The following BAZ2B variants were observed in gnomAD, a reference collection of about 807,000 sequenced individuals.
BAZ2B encodes the protein bromodomain adjacent to zinc finger domain protein 2B.
In BAZ2B, 91 loss-of-function variants were observed where a neutral mutation model predicts 246.0. That is an observed-to-expected ratio of 0.37 (90% CI 0.31 to 0.44). The LOEUF (loss-of-function observed/expected upper bound fraction) is 0.44. BAZ2B is among the 20% of genes least tolerant of loss of function. BAZ2B has a pLI of 1.00. For missense variants in BAZ2B, 2,332 were observed against 2,533.7 expected (o/e 0.92, Z 1.71); for synonymous variants, 855 against 860.0 (o/e 0.99, Z 0.10).
At chr2:159,638,009 G>T in the BAZ2B span, among the ~76,000 whole-genome samples, 1 of 152,256 alleles carries the variant, frequency 6.6e-6, no homozygotes, top group Non-Finnish European at 1.5e-5. Flanking sequence ...ACCCACTGCA[G>T]TAACAGTAGT....
intron 2 of BAZ2B, among the ~76,000 whole-genome samples, chr2:159,541,616 A>G (rs1326734284): frequency 6.6e-6 from 1 of 152,114 alleles, no homozygotes; most frequent in Non-Finnish European, 1.5e-5. Flanking sequence ...AGTTCTCATT[A>G]TGGTCTACTA....
chr2:159,335,935 C>T (rs978175640), intron 33 of BAZ2B, among the ~76,000 whole-genome samples: 5 of 152,072 alleles, frequency 3.3e-5, no homozygotes, highest in Admixed American at 1.3e-4. Context: ...CTGAGGTGGG[C>T]GGATCACCTG....
chr2:159,610,142 C>A (rs1017082762), intron 1 of BAZ2B, among the ~76,000 whole-genome samples: 2 of 152,058 alleles, frequency 1.3e-5, no homozygotes, highest in Non-Finnish European at 2.9e-5. Context: ...TGACAATGAT[C>A]TCATAGGAAA....
chr2:159,701,283 C>CAAACTTTAAAACT, the BAZ2B span, among the ~76,000 whole-genome samples: 6 of 152,118 alleles, frequency 3.9e-5, no homozygotes, highest in Non-Finnish European at 4.4e-5. Context: ...AATTTTAAAA[C>CAAACTTTAAAACT]AAAGTTAATT....
chr2:159,469,244 G>T (rs151155947), intron 3 of BAZ2B, among the ~76,000 whole-genome samples: 1 of 151,764 alleles, frequency 6.6e-6, no homozygotes, highest in Admixed American at 6.6e-5. Context: ...GTATATCAAC[G>T]ATGAAAGAAA....
intron 3 of BAZ2B, among the ~76,000 whole-genome samples, chr2:159,475,660 T>C (rs2150877368): frequency 6.6e-6 from 1 of 152,332 alleles, no homozygotes; most frequent in African/African-American, 2.4e-5. Context: ...TTCAGCCCTT[T>C]TGCGCTGGTT....
chr2:159,551,310 A>C (rs1045102732), intron 2 of BAZ2B, among the ~76,000 whole-genome samples: 3 of 152,076 alleles, frequency 2.0e-5, no homozygotes, highest in Non-Finnish European at 4.4e-5. Context: ...TCTACTAAAA[A>C]TACAAAAAAT....
intron 19 of BAZ2B, 51 bp downstream of exon 19, chr2:159,397,294 C>A: frequency 7.2e-7 from 1 of 1,379,654 alleles, no homozygotes; most frequent in South Asian, 1.3e-5. Context: ...TAGGTTTAAG[C>A]AATATTATAA....
At chr2:159,653,964 TA>T in the BAZ2B span, among the ~76,000 whole-genome samples, 2 of 152,074 alleles carry the variant, frequency 1.3e-5, no homozygotes, top group Non-Finnish European at 2.9e-5. Context: ...CACTGGAATA[TA>T]AAAAAGCATT....
the BAZ2B span, among the ~76,000 whole-genome samples, chr2:159,684,607 T>A: frequency 1.0e-3 from 153 of 152,306 alleles, no homozygotes; most frequent in African/African-American, 3.5e-3. Flanking sequence ...GCTCAAGTGA[T>A]CCTCCCACCT....
intron 34 of BAZ2B, among the ~76,000 whole-genome samples, chr2:159,329,053 G>A (rs556886532): frequency 3.0e-4 from 45 of 151,516 alleles, no homozygotes; most frequent in African/African-American, 1.0e-3. Flanking sequence ...GCTTGAACAC[G>A]GGAGGTGGAG....
chr2:159,683,434 T>C, the BAZ2B span, among the ~76,000 whole-genome samples: 1 of 152,248 alleles, frequency 6.6e-6, no homozygotes, highest in African/African-American at 2.4e-5. Flanking sequence ...GTTCTATAAG[T>C]TAAAACAAAC....
intron 14 of BAZ2B, among the ~76,000 whole-genome samples, chr2:159,407,327 C>T (rs147070351): frequency 1.3e-5 from 2 of 151,848 alleles, no homozygotes; most frequent in South Asian, 2.1e-4. Context: ...CAAAAATTAG[C>T]CAGGCGTGGT....
chr2:159,491,440 G>C (rs2080444848), intron 2 of BAZ2B, among the ~76,000 whole-genome samples: 1 of 152,036 alleles, frequency 6.6e-6, no homozygotes, highest in South Asian at 2.1e-4. Flanking sequence ...TCTTCTGTTG[G>C]CCAGGCGCGG....
At chr2:159,572,163 T>A (rs1684185077) in intron 1 of BAZ2B, among the ~76,000 whole-genome samples, 1 of 152,220 alleles carries the variant, frequency 6.6e-6, no homozygotes, top group Non-Finnish European at 1.5e-5. Flanking sequence ...GAGACTCCTA[T>A]GCTCAGGATC....
intron 6 of BAZ2B, chr2:159,444,181 C>T (rs983148776): frequency 3.3e-5 from 5 of 151,992 alleles, no homozygotes; most frequent in African/African-American, 1.2e-4. Flanking sequence ...GCCATTGAAA[C>T]AAATCCTATG....
chr2:159,340,932 A>C (rs2066585131), intron 31 of BAZ2B, among the ~76,000 whole-genome samples: 1 of 152,168 alleles, frequency 6.6e-6, no homozygotes, highest in Non-Finnish European at 1.5e-5. Context: ...CAGCCACAAA[A>C]ATAAATAATA....
chr2:159,632,082 T>G, the BAZ2B span, among the ~76,000 whole-genome samples: 1 of 152,188 alleles, frequency 6.6e-6, no homozygotes, highest in South Asian at 2.1e-4. Context: ...AGTCAGAAAT[T>G]TAGCAATTCA....
intron 4 of BAZ2B, among the ~76,000 whole-genome samples, chr2:159,451,001 C>T (rs1053529900): frequency 3.3e-5 from 5 of 152,074 alleles, no homozygotes; most frequent in Non-Finnish European, 1.5e-5. Flanking sequence ...GGATTATAGG[C>T]ACGAGGCACC....
Sources: gnomAD v4.1 joint callset for allele counts (sites outside exome capture counted in the v4.1 genomes callset) on GRCh38, gnomAD v4.1.1 for gene constraint, MANE v1.5 for transcripts, NCBI Gene and HGNC (gene_info 2026-07-23, HGNC 2026-07-21) for gene names.